The following SETD2 variants were observed in gnomAD, a reference collection of about 807,000 sequenced individuals.
SETD2 encodes the protein histone-lysine N-methyltransferase SETD2.
In SETD2, 31 loss-of-function variants were observed where a neutral mutation model predicts 242.1. The observed-to-expected ratio is 0.13, with a 90% CI of 0.10 to 0.17. The LOEUF (loss-of-function observed/expected upper bound fraction) is 0.17. Ranked by LOEUF, SETD2 falls within the 10% of genes least tolerant of loss-of-function variation. SETD2 has a pLI of 1.00. For missense variants in SETD2, 2,481 were observed against 3,046.3 expected, an observed-to-expected ratio of 0.81 and a Z score of 4.37; for synonymous variants, 1,006 against 1,066.5, an observed-to-expected ratio of 0.94 and a Z score of 1.11.
chr3:47,118,861 A>G (rs1177615116), intron 3 of SETD2, among the ~76,000 whole-genome samples: 3 of 152,018 alleles, frequency 2.0e-5, no homozygotes, highest in African/African-American at 7.2e-5. Flanking sequence ...TGTAAGTTCC[A>G]TTAGTCTACT....
At chr3:47,126,168 T>A (rs1437240096) in intron 2 of SETD2, among the ~76,000 whole-genome samples, 2 of 152,158 alleles carry the variant, frequency 1.3e-5, no homozygotes, top group African/African-American at 4.8e-5. Flanking sequence ...TAGCTGGGAC[T>A]AAGCCACCAT....
At chr3:47,117,261 C>CAAAAAAAAAA (rs5848820) in intron 3 of SETD2, among the ~76,000 whole-genome samples, 2 of 66,472 alleles carry the variant, frequency 3.0e-5, no homozygotes, top group African/African-American at 1.4e-4. Flanking sequence ...CCTGCATTAC[C>CAAAAAAAAAA]AAAAAAAAAA....
chr3:47,065,666 G>T, intron 13 of SETD2, among the ~76,000 whole-genome samples: 1 of 152,108 alleles, frequency 6.6e-6, no homozygotes, highest in East Asian at 1.9e-4. Context: ...AACCAGGCAT[G>T]GTGGCACACA....
chr3:47,037,623 G>T, intron 18 of SETD2, 43 bp downstream of exon 18: 1 of 1,473,652 alleles, frequency 6.8e-7, no homozygotes, highest in South Asian at 1.1e-5. Context: ...GTCTTGGACG[G>T]ACTCCCAAAT....
intron 18 of SETD2, among the ~76,000 whole-genome samples, chr3:47,030,661 CAT>C (rs1315217490): frequency 1.3e-5 from 2 of 151,926 alleles, no homozygotes; most frequent in African/African-American, 4.8e-5. Context: ...AAAATCAAGA[CAT>C]ATGGGGGAAA....
In SETD2 at chr3:47,121,442, C is replaced by T. The variant is rs745925708; in HGVS notation, c.3194G>A (p.Arg1065His). 5.6e-6 allele frequency: 9 copies of T among 1,612,256 alleles called. No individual in the cohort carries two copies. The highest frequency in any genetic ancestry group is 4.5e-5 in the East Asian group (2 of 44,884). ...TGGCACAACCACAACAGACTGGAGA[C>T]GGTTTCTTGGAATACTGCTATCATC... ...DSDDSSIPRN[R>H]LQSVVVVPKN... The change falls in exon 3 of 21, where the codon CGT becomes CAT. Residue 1065 changes from arginine to histidine, a missense_variant. Arg to His is a conservative substitution (Grantham distance 29). Transcript: ENST00000409792.
At chr3:47,027,336 C>CAAAAAAAA (rs145911577) in intron 18 of SETD2, among the ~76,000 whole-genome samples, 29 of 103,730 alleles carry the variant, frequency 2.8e-4, no homozygotes, top group Non-Finnish European at 3.8e-4. Flanking sequence ...GACTCCATCT[C>CAAAAAAAA]AAAAAAAAAA....
At chr3:47,057,843 G>T (rs1489079792) in intron 14 of SETD2, among the ~76,000 whole-genome samples, 1 of 152,058 alleles carries the variant, frequency 6.6e-6, no homozygotes, top group East Asian at 1.9e-4. Flanking sequence ...CATAAACCAA[G>T]AAATAATCCA....
chr3:47,042,698 A>C lies in SETD2; in HGVS notation c.7101T>G (p.Ser2367=), dbSNP rs149025565. The C allele has an allele frequency of 3.8e-5, 60 of 1,597,368 alleles. No individual in the cohort carries two copies. The African/African-American group carries it at 5.9e-4, about 16-fold the overall frequency. The part of the protein sequence containing the change: ...APGQPQPLQP[S]EMVVTNNLLD... ...AGAGATTATTTGTCACAACCATTTCAGACTACAAAGAAAACACACACATTT... is the reference window on the plus strand; with the variant it reads ...AGAGATTATTTGTCACAACCATTTCCGACTACAAAGAAAACACACACATTT... Residue 2367 remains serine (S), a splice_region_variant and synonymous_variant, in exon 17 of 21, where the codon TCT becomes TCG. Coordinates refer to ENST00000409792, the MANE Select transcript of SETD2 (RefSeq NM_014159.7).
intron 1 of SETD2, among the ~76,000 whole-genome samples, chr3:47,140,347 C>G (rs2043697785): frequency 6.6e-6 from 1 of 152,180 alleles, no homozygotes; most frequent in Non-Finnish European, 1.5e-5. Context: ...GTTGGGTGAC[C>G]TAACCTGAAC....
At chr3:47,077,308 G>A (rs1186636320) in intron 12 of SETD2, among the ~76,000 whole-genome samples, 1 of 151,960 alleles carries the variant, frequency 6.6e-6, no homozygotes, top group Non-Finnish European at 1.5e-5. Flanking sequence ...GTCTTGAACT[G>A]TTGACCTCAG....
At chr3:47,155,771 A>G (rs2044112583) in intron 1 of SETD2, among the ~76,000 whole-genome samples, 1 of 152,064 alleles carries the variant, frequency 6.6e-6, no homozygotes, top group East Asian at 1.9e-4. Context: ...GTGCCACTGC[A>G]CTCCAGCCTG....
chr3:47,034,087 C>A (rs2038896925), intron 18 of SETD2, among the ~76,000 whole-genome samples: 1 of 152,168 alleles, frequency 6.6e-6, no homozygotes, highest in Non-Finnish European at 1.5e-5. Flanking sequence ...AAGACCTCTA[C>A]CTTTATTTGT....
At chr3:47,053,797 A>C (rs1207140520) in intron 15 of SETD2, among the ~76,000 whole-genome samples, 1 of 152,188 alleles carries the variant, frequency 6.6e-6, no homozygotes, top group Non-Finnish European at 1.5e-5. Flanking sequence ...ACATGACCAG[A>C]TGTTACTTCA....
At chr3:47,130,792 T>A (rs1391799652) in intron 1 of SETD2, among the ~76,000 whole-genome samples, 1 of 152,016 alleles carries the variant, frequency 6.6e-6, no homozygotes, top group Non-Finnish European at 1.5e-5. Flanking sequence ...AAAAAGAATA[T>A]GTTAGCCAGT....
chr3:47,096,021 G>A (rs2041992178), intron 9 of SETD2, among the ~76,000 whole-genome samples: 4 of 152,144 alleles, frequency 2.6e-5, no homozygotes, highest in Admixed American at 1.3e-4. Context: ...CTCCCAAAGT[G>A]CTGGGATTAT....
In SETD2 at chr3:47,152,096, T is replaced by C. The variant is rs141426029; in HGVS notation, c.71+11758A>G. Among the ~76,000 whole-genome samples, 924 of 152,310 alleles carry C rather than the reference T, an allele frequency of 6.1e-3. 9 individuals are homozygous for C. Among genetic ancestry groups the C allele is most frequent in the Middle Eastern group, 0.024 (7 of 294 alleles). On this transcript the variant is annotated intron_variant, in intron 1 of 20. Coordinates refer to ENST00000409792, the MANE Select transcript of SETD2 (RefSeq NM_014159.7). Reference sequence around the variant, plus strand: ...TTGTGACAACTGGTTTCCTGAATAATTGTACAACAAAAGTTGTTTTGTTTT... The same window carrying C: ...TTGTGACAACTGGTTTCCTGAATAACTGTACAACAAAAGTTGTTTTGTTTT...
chr3:47,120,700 T>C lies in SETD2; in HGVS notation c.3936A>G (p.Arg1312=), dbSNP rs756654781. Residue 1312 remains arginine, a synonymous_variant, in exon 3 of 21, where the codon AGA becomes AGG. Coordinates refer to ENST00000409792, the MANE Select transcript of SETD2 (RefSeq NM_014159.7). The stretch of plus-strand genomic sequence containing the variant: ...CATACACAACCCCAGTTCCAGGAGG[T>C]CTACCTGATCTTGGATCCCAGTAAC... ...GNGYWDPRSG[R]PPGTGVVYDR... The C allele has an allele frequency of 2.5e-6, 4 of 1,614,112 alleles. No homozygotes were observed. Among genetic ancestry groups the C allele is most frequent in the Non-Finnish European group, 2.5e-6 (3 of 1,180,032 alleles).
At chr3:47,050,725 T>C (rs866854984) in intron 15 of SETD2, among the ~76,000 whole-genome samples, 8 of 100,762 alleles carry the variant, frequency 7.9e-5, no homozygotes, top group South Asian at 3.8e-4. Flanking sequence ...TCCTCTCTCT[T>C]TTTTTTTTTT....
Sources: allele counts gnomAD v4.1 joint callset (sites outside exome capture counted in the v4.1 genomes callset), GRCh38; gene constraint gnomAD v4.1.1; transcripts MANE v1.5; gene names NCBI Gene and HGNC (gene_info 2026-07-23, HGNC 2026-07-21).